SYN3: variants seen among roughly 807,000 people sequenced by gnomAD.
SYN3 encodes synapsin-3.
Under a neutral mutation model 65.8 loss-of-function variants are expected in SYN3, and 35 were observed. That is an observed-to-expected ratio of 0.53 (90% CI 0.41 to 0.70). The LOEUF (loss-of-function observed/expected upper bound fraction) is 0.70. Ranked by LOEUF, SYN3 falls within the 30% of genes least tolerant of loss-of-function variation. The pLI is 0.00. For synonymous variants in SYN3, 270 were observed against 292.9 expected, an observed-to-expected ratio of 0.92 and a Z score of 0.80; for missense variants, 680 against 749.0, an observed-to-expected ratio of 0.91 and a Z score of 1.08.
At chr22:32,669,968 A>G (rs961054508) in intron 6 of SYN3, among the ~76,000 whole-genome samples, 8 of 152,200 alleles carry the variant, frequency 5.3e-5, no homozygotes, top group Non-Finnish European at 1.2e-4. Context: ...AATGAAAGCA[A>G]CAAGCTAGAA....
chr22:32,947,640 T>A (rs2051153641), intron 3 of SYN3: 1 of 151,966 alleles, frequency 6.6e-6, no homozygotes, highest in African/African-American at 2.4e-5. Flanking sequence ...GGACATGGAG[T>A]ATATGGAAGC....
chr22:33,025,045 AC>A (rs1290732497), intron 1 of SYN3, among the ~76,000 whole-genome samples: 5 of 152,192 alleles, frequency 3.3e-5, no homozygotes, highest in Admixed American at 3.3e-4. Flanking sequence ...TCTGAGTCTG[AC>A]AAAAATTATT....
Position 32,722,859 on chromosome 22 carries a change from C to T in SYN3, c.712-126123G>A, listed in dbSNP as rs185670292. 5.9e-5 allele frequency among the ~76,000 whole-genome samples: 9 copies of T among 152,290 alleles called. No individual in the cohort carries two copies. The East Asian group carries it at 1.2e-3, about 20-fold the overall frequency. On this transcript the variant is annotated intron_variant, in intron 6 of 13. Transcript: ENST00000358763. ...CAGATCTAGCTAATAACCCCAGAAC[C>T]GAGGGCGGGAGTAGGAGATGTGAAA...
chr22:32,874,678 A>G (rs137495), intron 4 of SYN3, among the ~76,000 whole-genome samples: 42,400 of 152,072 alleles, frequency 0.28, 6,338 homozygotes, highest in East Asian at 0.5. Context: ...GGTCCCCAAG[A>G]GCCAGGTTGG....
chr22:32,720,349 C>T (rs1387361819), intron 6 of SYN3, among the ~76,000 whole-genome samples: 2 of 152,232 alleles, frequency 1.3e-5, no homozygotes, highest in African/African-American at 2.4e-5. Flanking sequence ...GTTTATGTGT[C>T]TCTTCTCATT....
At chr22:32,625,456 G>T (rs1413200652) in intron 6 of SYN3, among the ~76,000 whole-genome samples, 2 of 152,180 alleles carry the variant, frequency 1.3e-5, no homozygotes, top group African/African-American at 2.4e-5. Context: ...CTGGCCTGAA[G>T]GCACCCAAGT....
chr22:32,674,799 GTCATCATCAGCATGGGTATCA>G (rs1343494981), intron 6 of SYN3, among the ~76,000 whole-genome samples: 221 of 152,298 alleles, frequency 1.5e-3, no homozygotes, highest in African/African-American at 4.6e-3. Context: ...AACTTTCATT[GTCATCATCAGCATGGGTATCA>G]TCACTAGCTT....
At chr22:32,759,602 C>A (rs1297446577) in intron 6 of SYN3, among the ~76,000 whole-genome samples, 1 of 148,102 alleles carries the variant, frequency 6.8e-6, no homozygotes, top group East Asian at 2.0e-4. Flanking sequence ...TGTCCCCATC[C>A]ACCCTCGACC....
chr22:32,584,621 T>C (rs2858734), intron 7 of SYN3, among the ~76,000 whole-genome samples: 63,774 of 152,076 alleles, frequency 0.42, 14,489 homozygotes, highest in African/African-American at 0.62. Context: ...GCATCAGTGC[T>C]CATAAGAACA....
intron 6 of SYN3, among the ~76,000 whole-genome samples, chr22:32,827,373 C>G (rs1569256150): frequency 6.6e-6 from 1 of 152,362 alleles, no homozygotes; most frequent in Middle Eastern, 3.4e-3. Context: ...TGCCACCCTA[C>G]CCCGTTTCCT....
intron 6 of SYN3, among the ~76,000 whole-genome samples, chr22:32,639,929 G>A (rs2059872129): frequency 6.6e-6 from 1 of 152,158 alleles, no homozygotes; most frequent in Admixed American, 6.5e-5. Context: ...ATGTTATAAA[G>A]TCCTATCCTC....
chr22:32,995,751 C>T (rs1466258701), intron 2 of SYN3, among the ~76,000 whole-genome samples: 1 of 152,134 alleles, frequency 6.6e-6, no homozygotes, highest in Non-Finnish European at 1.5e-5. Flanking sequence ...CAACCTCCGA[C>T]TCCCTGGTTC....
intron 6 of SYN3, among the ~76,000 whole-genome samples, chr22:32,836,775 G>A (rs1331581725): frequency 1.3e-5 from 2 of 152,184 alleles, no homozygotes; most frequent in African/African-American, 2.4e-5. Flanking sequence ...AATGAAGCTT[G>A]TGGAACTTAA....
At chr22:32,865,345 T>C (rs536508990) in intron 5 of SYN3, among the ~76,000 whole-genome samples, 52 of 152,310 alleles carry the variant, frequency 3.4e-4, no homozygotes, top group African/African-American at 1.2e-3. Context: ...TTGCCTGCCA[T>C]ACCTTCTTTC....
At chr22:33,023,605 A>C (rs114140922) in intron 1 of SYN3, among the ~76,000 whole-genome samples, 2 of 152,202 alleles carry the variant, frequency 1.3e-5, no homozygotes, top group Non-Finnish European at 2.9e-5. Context: ...GGTCGCAGCA[A>C]CTCAGGAGGC....
chr22:32,742,543 AC>A (rs1326960098), intron 6 of SYN3, among the ~76,000 whole-genome samples: 1 of 152,184 alleles, frequency 6.6e-6, no homozygotes, highest in Admixed American at 6.5e-5. Context: ...CTGTTTGAAT[AC>A]CTAGTCTCTG....
At chr22:32,788,068 G>A (rs1009964519) in intron 6 of SYN3, among the ~76,000 whole-genome samples, 30 of 152,142 alleles carry the variant, frequency 2.0e-4, no homozygotes, top group Non-Finnish European at 8.8e-5. Context: ...AGTGCATTAG[G>A]GATCCACCAT....
At position 32,574,130 on chromosome 22, in the gene SYN3, C is replaced by T. The variant is rs140181701; in HGVS notation, c.774+22544G>A. Among the ~76,000 whole-genome samples the T allele has an allele frequency of 3.3e-3, 508 of 151,742 alleles. 1 individual carries two copies. Among genetic ancestry groups the T allele is most frequent in the African/African-American group, 0.012 (489 of 41,360 alleles). ...TCTCATCTCCCTCTCAGGGCCCTTT[C>T]CTTGATGAGGAAAGAAGTGAAAGTG... is the stretch of plus-strand genomic sequence containing the variant. On this transcript the variant is annotated intron_variant, in intron 7 of 13. Transcript: ENST00000358763.
intron 7 of SYN3, among the ~76,000 whole-genome samples, chr22:32,571,235 T>G (rs2058754756): frequency 6.6e-6 from 1 of 151,892 alleles, no homozygotes; most frequent in African/African-American, 2.4e-5. Flanking sequence ...CTCATCCTCC[T>G]TTCTTCTCCA....
Sources: gnomAD v4.1 joint callset for allele counts (sites outside exome capture counted in the v4.1 genomes callset) on GRCh38, gnomAD v4.1.1 for gene constraint, MANE v1.5 for transcripts, NCBI Gene and HGNC (gene_info 2026-07-23, HGNC 2026-07-21) for gene names.